Variants in RNASEH1 observed in about 807,000 individuals in gnomAD.
RNASEH1 encodes ribonuclease H1.
A neutral mutation model predicts 34.6 loss-of-function variants in RNASEH1; 27 were observed. That is an observed-to-expected ratio of 0.78 (90% CI 0.58 to 1.08). The LOEUF is 1.08. RNASEH1 is among the 50% of genes least tolerant of loss of function. The probability of loss-of-function intolerance (pLI) is 0.00; values close to 1 mark genes in which losing one functional copy is unlikely to be tolerated. For synonymous variants in RNASEH1, 162 were observed against 138.4 expected (o/e 1.17, Z -1.20); for missense variants, 349 against 373.6 (o/e 0.93, Z 0.54).
chr2:3,551,665 C>T (rs1252534455), intron 3 of RNASEH1, among the ~76,000 whole-genome samples: 1 of 152,200 alleles, frequency 6.6e-6, no homozygotes. Flanking sequence ...GAATTCTATT[C>T]TGTGAGTCAC....
At chr2:3,538,389 A>G (rs1668103943), downstream of RNASEH1, among the ~76,000 whole-genome samples, 1 of 151,662 alleles carries the variant, frequency 6.6e-6, no homozygotes, top group East Asian at 1.9e-4. Context: ...TAAAAGATAA[A>G]AAGATAGCAT....
chr2:3,533,480 C>T, the RNASEH1 span: 7 of 152,246 alleles, frequency 4.6e-5, no homozygotes, highest in African/African-American at 7.2e-5. Flanking sequence ...TGGGCTGCTA[C>T]GAGTCGGCTC....
chr2:3,557,720 A>G (rs541160467), intron 1 of RNASEH1: 4 of 500,724 alleles, frequency 8.0e-6, no homozygotes, highest in South Asian at 6.4e-5. Flanking sequence ...CTGGCTTATT[A>G]GAATTTGCCT....
At chr2:3,549,141 A>T (rs1669044431) in intron 4 of RNASEH1, 29 bp from the exon 5 acceptor site, 3 of 1,536,158 alleles carry the variant, frequency 2.0e-6, no homozygotes, top group Non-Finnish European at 2.7e-6. Context: ...AAAGAAAATA[A>T]AAGTATAAAG....
At chr2:3,533,851 G>A in the RNASEH1 span, 2 of 152,300 alleles carry the variant, frequency 1.3e-5, no homozygotes, top group African/African-American at 4.8e-5. Flanking sequence ...TGGTCCCTCT[G>A]ATAGTAGCAG....
rs377310356 is a variant in RNASEH1, at chr2:3,556,455, G to A, written c.244+334C>T. Among the ~76,000 whole-genome samples, 553 of 151,894 alleles carry A rather than the reference G, an allele frequency of 3.6e-3. 3 individuals carry two copies. The highest frequency in any genetic ancestry group is 0.012 in the African/African-American group (493 of 41,418). ...CGAGTAGCTGGGATTACAGGTGTGC[G>A]CCACCATGCCCAGCTAATTTTTGTA... On this transcript the variant is annotated intron_variant, in intron 2 of 7. Coordinates refer to ENST00000315212, the MANE Select transcript of RNASEH1 (RefSeq NM_002936.6).
downstream of RNASEH1, among the ~76,000 whole-genome samples, chr2:3,538,120 G>A (rs973855025): frequency 7.2e-5 from 11 of 151,892 alleles, no homozygotes; most frequent in East Asian, 3.9e-4. Flanking sequence ...AGGCCGAGGC[G>A]GGTGGATCAC....
In RNASEH1 at chr2:3,547,994, C is replaced by T. The variant is rs769488424; in HGVS notation, c.711G>A (p.Glu237=). The change falls in exon 7 of 8, where the codon GAG becomes GAA. Residue 237 remains glutamate, a synonymous_variant. Transcript: ENST00000315212. ...KNGWKTSAGK[E]VINKEDFVAL... ...CCACAAAGTCCTCTTTGTTGATCAC[C>T]TCTTTCCCTGCACTTGTCTTCCACC... 1.2e-6 allele frequency: 2 copies of T among 1,613,814 alleles called. No homozygotes were observed. The highest frequency in any genetic ancestry group is 1.3e-5 in the African/African-American group (1 of 75,052).
the RNASEH1 span, chr2:3,533,061 G>C: frequency 6.6e-6 from 1 of 152,254 alleles, no homozygotes; most frequent in Non-Finnish European, 1.5e-5. Context: ...TCTCCAAAGA[G>C]AGCCGCGAGG....
Position 3,548,071 on chromosome 2 carries a change from A to G in RNASEH1, c.650-16T>C, listed in dbSNP as rs1668926307. 6.2e-7 allele frequency: 1 copy of G among 1,613,692 alleles called. No individual in the cohort carries two copies. The highest frequency in any genetic ancestry group is 8.5e-7 in the Non-Finnish European group (1 of 1,179,838). On this transcript the variant is annotated splice_polypyrimidine_tract_variant and intron_variant, in intron 6 of 7. Transcript: ENST00000315212. ...TTAGTTATACCTACAAAAATGCACG[A>G]TCACTGGTGAGTCAATCTTGAGTGT...
In RNASEH1 at chr2:3,545,878, AG is replaced by A. The variant is rs754471736; in HGVS notation, c.775-8del. 1.9e-6 allele frequency: 3 copies of A among 1,598,834 alleles called. No homozygotes were observed. The highest frequency in any genetic ancestry group is 2.6e-6 in the Non-Finnish European group (3 of 1,166,112). On this transcript the variant is annotated splice_polypyrimidine_tract_variant and splice_region_variant and intron_variant, in intron 7 of 7. Transcript: ENST00000315212. ...AATGACCAGGAACATGCATCTGTTA[AG>A]ATAAATGTTTTCCTTTTATTTTTAC...
downstream of RNASEH1, among the ~76,000 whole-genome samples, chr2:3,537,863 C>T (rs1474903006): frequency 6.6e-6 from 1 of 151,532 alleles, no homozygotes; most frequent in Non-Finnish European, 1.5e-5. Flanking sequence ...CATGGAGAAA[C>T]CCCATCTCTA....
chr2:3,531,828 AGT>A, the RNASEH1 span: 2 of 155,100 alleles, frequency 1.3e-5, no homozygotes, highest in Non-Finnish European at 2.9e-5. Context: ...TGTTTTGAAG[AGT>A]GTTTATTTGG....
At chr2:3,537,030 T>A (rs1269543592), downstream of RNASEH1, among the ~76,000 whole-genome samples, 1 of 152,168 alleles carries the variant, frequency 6.6e-6, no homozygotes, top group Non-Finnish European at 1.5e-5. Context: ...TAGAGGCCCC[T>A]CTCCAAATGG....
At chr2:3,556,728 A>G (rs1660540838) in intron 2 of RNASEH1, 61 bp downstream of exon 2, 1 of 1,104,906 alleles carries the variant, frequency 9.1e-7, no homozygotes, top group Non-Finnish European at 1.4e-6. Flanking sequence ...ATCAAATGCC[A>G]TCTGGCATAT....
Position 3,552,225 on chromosome 2 carries a change from T to C in RNASEH1, c.328A>G (p.Ser110Gly), listed in dbSNP as rs1317088152. 3 of 1,613,766 alleles carry C rather than the reference T, an allele frequency of 1.9e-6. No individual in the cohort carries two copies. Among genetic ancestry groups the C allele is most frequent in the Non-Finnish European group, 2.5e-6 (3 of 1,180,012 alleles). ...REPLDGDGHE[S>G]AEPYAKHMKP... ...ATGTGCTTTGCATACGGCTCTGCGC[T>C]TTCATGTCCATCTCCATCCAGTGGC... Residue 110 changes from serine (S) to glycine (G), a missense_variant, in exon 3 of 8, where the codon AGC becomes GGC. Ser to Gly is a moderately conservative substitution (Grantham distance 56). Coordinates refer to ENST00000315212, the MANE Select transcript of RNASEH1 (RefSeq NM_002936.6).
At chr2:3,535,781 T>C in the RNASEH1 span, among the ~76,000 whole-genome samples, 2 of 152,222 alleles carry the variant, frequency 1.3e-5, no homozygotes, top group South Asian at 2.1e-4. Flanking sequence ...GGCTGCTACC[T>C]GGAGAGGGAG....
At chr2:3,538,663 GTA>G (rs1355620458), downstream of RNASEH1, among the ~76,000 whole-genome samples, 9 of 152,180 alleles carry the variant, frequency 5.9e-5, no homozygotes, top group African/African-American at 2.2e-4. Flanking sequence ...TCAGGTCCCA[GTA>G]TAGTTTCCAG....
intron 1 of RNASEH1, 73 bp downstream of exon 1, chr2:3,558,060 G>A (rs1660716817): frequency 1.3e-6 from 2 of 1,493,544 alleles, no homozygotes; most frequent in South Asian, 1.3e-5. Context: ...TCCCGCCGCC[G>A]GGGTTAGCCG....
Sources: allele counts gnomAD v4.1 joint callset (sites outside exome capture counted in the v4.1 genomes callset), GRCh38; gene constraint gnomAD v4.1.1; transcripts MANE v1.5; gene names NCBI Gene and HGNC (gene_info 2026-07-23, HGNC 2026-07-21).